Variants in ADCY2 observed in about 807,000 individuals in gnomAD.
The protein encoded by ADCY2 is adenylate cyclase 2.
Under a neutral mutation model 125.2 loss-of-function variants are expected in ADCY2, and 31 were observed. That is an observed-to-expected ratio of 0.25 (90% confidence interval 0.19 to 0.33). The LOEUF is 0.33. Among genes scored for constraint, ADCY2 ranks in the 10% least tolerant of loss-of-function variants. The pLI, the probability that ADCY2 is intolerant of heterozygous loss-of-function variation, is 1.00. For missense variants in ADCY2, 904 were observed against 1,418.2 expected, an observed-to-expected ratio of 0.64 and a Z score of 5.82; for synonymous variants, 512 against 548.4, an observed-to-expected ratio of 0.93 and a Z score of 0.93.
At chr5:7,611,656 C>A (rs1008198836) in intron 3 of ADCY2, among the ~76,000 whole-genome samples, 1 of 152,160 alleles carries the variant, frequency 6.6e-6, no homozygotes, top group Non-Finnish European at 1.5e-5. Flanking sequence ...TGCATTTAGA[C>A]TTGGGAACAG....
At chr5:7,597,807 T>C (rs892975889) in intron 3 of ADCY2, among the ~76,000 whole-genome samples, 1 of 152,114 alleles carries the variant, frequency 6.6e-6, no homozygotes, top group African/African-American at 2.4e-5. Context: ...AAAGCAGTAG[T>C]AGCGTAGAGC....
chr5:7,643,873 T>A (rs1738797947), intron 4 of ADCY2, among the ~76,000 whole-genome samples: 1 of 151,892 alleles, frequency 6.6e-6, no homozygotes, highest in African/African-American at 2.4e-5. Context: ...CACATTCCAT[T>A]GTGTGTTTTC....
rs768198996 is a variant in ADCY2 at position 7,709,247 on chromosome 5, C to T, written c.1438C>T (p.Arg480Cys). 6.2e-6 allele frequency: 10 copies of T among 1,613,688 alleles called. No individual in the cohort carries two copies. The highest frequency in any genetic ancestry group is 8.5e-6 in the Non-Finnish European group (10 of 1,179,840). Residue 480 changes from arginine to cysteine, a missense_variant, in exon 10 of 25, where the codon CGC becomes TGC. Arg to Cys is a radical substitution (Grantham distance 180, BLOSUM62 -3). Around this residue, in one of 7 missense-constraint regions of ADCY2, gnomAD observed 144 missense variants for 227.7 expected, o/e 0.63. Transcript: ENST00000338316. This position sits in a 1 kb window ranked among gnomAD's most constrained non-coding sequence, Gnocchi z 4.4. ...GAGCCCCCAGCATCTCTTCAGACCTCGCCACACCCTTGATGGAGCCAAAAT... is the reference window on the plus strand; with the variant it reads ...GAGCCCCCAGCATCTCTTCAGACCTTGCCACACCCTTGATGGAGCCAAAAT... ...RRSPQHLFRP[R>C]HTLDGAKMRA...
At chr5:7,665,377 A>G (rs79204109) in intron 4 of ADCY2, among the ~76,000 whole-genome samples, 3 of 151,948 alleles carry the variant, frequency 2.0e-5, no homozygotes, top group African/African-American at 7.3e-5. Context: ...GGCCTTTCCC[A>G]TTGGGAACTC....
chr5:7,518,206 C>T (rs180855017), intron 2 of ADCY2, among the ~76,000 whole-genome samples: 5 of 152,258 alleles, frequency 3.3e-5, no homozygotes, highest in African/African-American at 9.6e-5. Flanking sequence ...CACAGCACAC[C>T]ACCAGTGTGT....
chr5:7,722,960 C>CAAAAAAAA lies in ADCY2; in HGVS notation c.1704-1566_1704-1559dup, dbSNP rs60426818. 9.1e-4 allele frequency among the ~76,000 whole-genome samples: 47 copies of CAAAAAAAA among 51,660 alleles called. 9 individuals carry two copies. Among genetic ancestry groups the CAAAAAAAA allele is most frequent in the African/African-American group, 3.4e-3 (45 of 13,286 alleles). The allele number at this position is 51,660 out of a possible 152,430, so 33.9% of individuals were successfully genotyped here. A position where few individuals can be genotyped will look rare whatever the true frequency, so the allele number is the denominator to read the frequency against. On this transcript the variant is annotated intron_variant, in intron 12 of 24. Transcript: ENST00000338316. ...GGGCAACAAGAGCGAAACTCCATCT[C>CAAAAAAAA]AAAAAAAAAAAAAAAAAAAAAAAAA...
chr5:7,727,541 C>T (rs189770188), intron 14 of ADCY2, among the ~76,000 whole-genome samples: 25 of 152,182 alleles, frequency 1.6e-4, no homozygotes, highest in African/African-American at 5.1e-4. Context: ...TACTCTGATG[C>T]GCAGTCTAGG....
intron 4 of ADCY2, among the ~76,000 whole-genome samples, chr5:7,638,905 G>T (rs768374174): frequency 6.6e-6 from 1 of 152,144 alleles, no homozygotes; most frequent in Non-Finnish European, 1.5e-5. Context: ...AATCATGGGG[G>T]TGGGTCTTTC....
At chr5:7,663,160 G>A (rs1739594658) in intron 4 of ADCY2, among the ~76,000 whole-genome samples, 1 of 152,174 alleles carries the variant, frequency 6.6e-6, no homozygotes, top group Non-Finnish European at 1.5e-5. Context: ...CTACTAATAA[G>A]CATCTATTAA....
At chr5:7,565,524 G>T (rs1735862520) in intron 3 of ADCY2, among the ~76,000 whole-genome samples, 1 of 152,150 alleles carries the variant, frequency 6.6e-6, no homozygotes, top group Non-Finnish European at 1.5e-5. Context: ...ACATCAGTTT[G>T]CTTCACAAGA....
At chr5:7,696,312 T>C (rs900993783) in intron 6 of ADCY2, among the ~76,000 whole-genome samples, 1 of 152,182 alleles carries the variant, frequency 6.6e-6, no homozygotes, top group Non-Finnish European at 1.5e-5. Flanking sequence ...ATGCATATCT[T>C]CCATGCAAAG....
At chr5:7,659,654 C>T (rs997293040) in intron 4 of ADCY2, among the ~76,000 whole-genome samples, 2 of 152,164 alleles carry the variant, frequency 1.3e-5, no homozygotes, top group African/African-American at 2.4e-5. Context: ...ATAAGTAATA[C>T]CTCTGCTGTG....
chr5:7,712,834 A>G (rs768750245), intron 10 of ADCY2, 22 bp from the exon 11 acceptor site: 6 of 1,571,084 alleles, frequency 3.8e-6, no homozygotes, highest in South Asian at 3.4e-5. Flanking sequence ...TTGACAATTA[A>G]TAACCTTTTT....
intron 14 of ADCY2, among the ~76,000 whole-genome samples, chr5:7,741,945 T>C (rs571570412): frequency 1.6e-4 from 24 of 151,986 alleles, no homozygotes; most frequent in African/African-American, 5.6e-4. Flanking sequence ...CCGTCATTAT[T>C]ATCATCATCA....
At chr5:7,419,189 C>T (rs1360082653) in intron 2 of ADCY2, among the ~76,000 whole-genome samples, 1 of 152,176 alleles carries the variant, frequency 6.6e-6, no homozygotes, top group Non-Finnish European at 1.5e-5. Flanking sequence ...TGCAGGACCA[C>T]TCTCATTGCT....
At chr5:7,493,614 T>G (rs953189084) in intron 2 of ADCY2, among the ~76,000 whole-genome samples, 4 of 152,132 alleles carry the variant, frequency 2.6e-5, no homozygotes, top group Admixed American at 2.6e-4. Context: ...ACAGTAGGCA[T>G]GCAGCTTTGG....
At chr5:7,427,108 T>C (rs953436842) in intron 2 of ADCY2, among the ~76,000 whole-genome samples, 1 of 152,192 alleles carries the variant, frequency 6.6e-6, no homozygotes, top group African/African-American at 2.4e-5. Flanking sequence ...CCTGGGAGAA[T>C]GCTTCTTGCA....
chr5:7,820,462 C>T (rs1209072392), intron 23 of ADCY2, 103 bp from the exon 24 acceptor site: 2 of 1,444,188 alleles, frequency 1.4e-6, no homozygotes, highest in Non-Finnish European at 1.9e-6. Context: ...CCACTGCACT[C>T]CAGCCTGGGT....
chr5:7,570,426 G>A (rs1310688851), intron 3 of ADCY2, among the ~76,000 whole-genome samples: 1 of 152,020 alleles, frequency 6.6e-6, no homozygotes, highest in Admixed American at 6.6e-5. Context: ...TTAAACTTCT[G>A]TAAGTCTAGG....
Sources: allele counts gnomAD v4.1 joint callset (sites outside exome capture counted in the v4.1 genomes callset), GRCh38; gene constraint gnomAD v4.1.1; regional missense constraint gnomAD v4.1.1; non-coding constraint Gnocchi (gnomAD v3.1); transcripts MANE v1.5; gene names NCBI Gene and HGNC (gene_info 2026-07-23, HGNC 2026-07-21).